Variants in ULK4 observed in about 807,000 individuals in gnomAD.
ULK4 encodes unc-51 like kinase 4.
A neutral mutation model predicts 160.6 loss-of-function variants in ULK4; 133 were observed. The observed-to-expected ratio is 0.83, with a 90% CI of 0.72 to 0.96. The LOEUF is 0.96. Ranked by LOEUF, ULK4 falls within the 40% of genes least tolerant of loss-of-function variation. The pLI is 0.00. For missense variants in ULK4, 1,580 were observed against 1,499.5 expected (o/e 1.05, Z -0.89); for synonymous variants, 534 against 539.8 (o/e 0.99, Z 0.15).
chr3:41,537,076 A>G (rs1448691207), intron 32 of ULK4, among the ~76,000 whole-genome samples: 2 of 152,186 alleles, frequency 1.3e-5, no homozygotes, highest in African/African-American at 4.8e-5. Flanking sequence ...TCATCTGCCA[A>G]TGGTTCAGAA....
chr3:41,877,891 G>C (rs1697367650), intron 17 of ULK4, among the ~76,000 whole-genome samples: 1 of 151,914 alleles, frequency 6.6e-6, no homozygotes, highest in Non-Finnish European at 1.5e-5. Flanking sequence ...TAAGGCAGGA[G>C]AATCGCTTGA....
chr3:41,372,871 T>C (rs1422199595), intron 35 of ULK4, among the ~76,000 whole-genome samples: 2 of 152,114 alleles, frequency 1.3e-5, no homozygotes, highest in African/African-American at 4.8e-5. Context: ...TCAAGATCCA[T>C]AGGTGCGCTG....
intron 25 of ULK4, among the ~76,000 whole-genome samples, chr3:41,711,570 A>T (rs148215166): frequency 6.6e-6 from 1 of 152,348 alleles, no homozygotes; most frequent in East Asian, 1.9e-4. Context: ...GCTGAAGCCA[A>T]TATCTATCAA....
chr3:41,846,962 T>C (rs1021840239), intron 17 of ULK4, among the ~76,000 whole-genome samples: 1 of 152,238 alleles, frequency 6.6e-6, no homozygotes, highest in African/African-American at 2.4e-5. Flanking sequence ...TTGAGGCATA[T>C]CTATACCATC....
chr3:41,878,905 C>T (rs9825421), intron 17 of ULK4, among the ~76,000 whole-genome samples: 8,405 of 103,462 alleles, frequency 0.081, 424 homozygotes, highest in East Asian at 0.28. Context: ...CCCAAGCCAT[C>T]CCCCCAAAAA....
chr3:41,297,687 G>A (rs998225166), intron 35 of ULK4, among the ~76,000 whole-genome samples: 5 of 152,206 alleles, frequency 3.3e-5, no homozygotes, highest in African/African-American at 1.2e-4. Context: ...AAAGAAAAAT[G>A]AATACAACTA....
chr3:41,577,207 G>A (rs889245422), intron 31 of ULK4, among the ~76,000 whole-genome samples: 4 of 152,112 alleles, frequency 2.6e-5, no homozygotes, highest in East Asian at 1.9e-4. Flanking sequence ...AAAAAAAACC[G>A]GGCCAAGCCC....
chr3:41,912,739 A>G, intron 9 of ULK4, 68 bp downstream of exon 9: 1 of 1,361,060 alleles, frequency 7.3e-7, no homozygotes, highest in Non-Finnish European at 1.0e-6. Flanking sequence ...GATGTTGTAT[A>G]TTTAGAACAG....
At chr3:41,593,727 C>T (rs528642943) in intron 31 of ULK4, among the ~76,000 whole-genome samples, 5 of 152,144 alleles carry the variant, frequency 3.3e-5, no homozygotes, top group Admixed American at 1.3e-4. Flanking sequence ...ATGTACCACT[C>T]GTGTAAAAAG....
At chr3:41,866,216 G>A (rs564999726) in intron 17 of ULK4, among the ~76,000 whole-genome samples, 5 of 152,250 alleles carry the variant, frequency 3.3e-5, no homozygotes, top group East Asian at 1.9e-4. Flanking sequence ...TATGTACATC[G>A]TAAGACCTCC....
chr3:41,493,677 G>A (rs1393865686), intron 32 of ULK4, among the ~76,000 whole-genome samples: 2 of 150,476 alleles, frequency 1.3e-5, no homozygotes, highest in South Asian at 4.3e-4. Flanking sequence ...TTGATAGACT[G>A]CTAGCAAGAC....
At chr3:41,654,389 G>C (rs900417190) in intron 30 of ULK4, among the ~76,000 whole-genome samples, 11 of 152,106 alleles carry the variant, frequency 7.2e-5, no homozygotes, top group Admixed American at 2.0e-4. Flanking sequence ...AAAACAAAAT[G>C]CTAAATTTTT....
At chr3:41,897,998 C>T (rs1698225470) in intron 14 of ULK4, among the ~76,000 whole-genome samples, 1 of 152,188 alleles carries the variant, frequency 6.6e-6, no homozygotes, top group African/African-American at 2.4e-5. Context: ...TCCACTCCCA[C>T]ACCACCTCCA....
intron 18 of ULK4, among the ~76,000 whole-genome samples, chr3:41,831,535 T>A (rs943934228): frequency 2.0e-4 from 23 of 114,680 alleles, no homozygotes; most frequent in African/African-American, 1.1e-3. Flanking sequence ...ATATATATTT[T>A]TTTTTCTTTC....
In ULK4 at chr3:41,703,149, G is replaced by A. The variant is rs892143640; in HGVS notation, c.2781+1908C>T. Among the ~76,000 whole-genome samples, 6 of 152,112 alleles carry A rather than the reference G, an allele frequency of 3.9e-5. No individual in the cohort carries two copies. The South Asian group carries it at 6.2e-4, about 16-fold the overall frequency. ...GATTACAGGCGTGATCCACCATGCC[G>A]GGCCAACGACAAGATGTGAACAAGA... On this transcript the variant is annotated intron_variant, in intron 27 of 36. Coordinates refer to ENST00000301831, the MANE Select transcript of ULK4 (RefSeq NM_017886.4).
At chr3:41,643,387 A>T (rs1232151429) in intron 30 of ULK4, among the ~76,000 whole-genome samples, 2 of 152,178 alleles carry the variant, frequency 1.3e-5, no homozygotes, top group African/African-American at 2.4e-5. Flanking sequence ...AAGGAAGGGA[A>T]CCAGTGTCAA....
intron 35 of ULK4, chr3:41,258,433 G>A (rs886877170): frequency 7.9e-5 from 12 of 152,198 alleles, no homozygotes; most frequent in Admixed American, 2.6e-4. Context: ...CGTCAAGAGG[G>A]AGTATTCCAG....
Position 41,900,835 on chromosome 3 carries a change from A to G in ULK4, c.1183-6T>C. 1 of 1,607,890 alleles carries G rather than the reference A, an allele frequency of 6.2e-7. No homozygotes were observed. Among genetic ancestry groups the G allele is most frequent in the Non-Finnish European group, 8.5e-7 (1 of 1,175,222 alleles). The stretch of plus-strand genomic sequence containing the variant: ...CTCAGGTGTCCACTTGTAATCTGAA[A>G]TGAGAACAAAAATTAGACTTTGTTT... On this transcript the variant is annotated splice_region_variant and splice_polypyrimidine_tract_variant and intron_variant, in intron 12 of 36. Coordinates refer to ENST00000301831, the MANE Select transcript of ULK4 (RefSeq NM_017886.4).
At chr3:41,821,538 T>C (rs997361757) in intron 18 of ULK4, among the ~76,000 whole-genome samples, 3 of 152,224 alleles carry the variant, frequency 2.0e-5, no homozygotes, top group Admixed American at 1.3e-4. Flanking sequence ...GGTTCCTCCA[T>C]TCCTGTCCCT....
Sources: gnomAD v4.1 joint callset for allele counts (sites outside exome capture counted in the v4.1 genomes callset) on GRCh38, gnomAD v4.1.1 for gene constraint, MANE v1.5 for transcripts, NCBI Gene and HGNC (gene_info 2026-07-23, HGNC 2026-07-21) for gene names.